Variants in CDC42BPA observed in about 807,000 individuals in gnomAD.
CDC42BPA encodes the protein serine/threonine-protein kinase MRCK alpha.
Under a neutral mutation model 223.5 loss-of-function variants are expected in CDC42BPA, and 80 were observed. The ratio of observed to expected loss-of-function variants is 0.36; its 90% CI spans 0.30 to 0.43. The LOEUF (loss-of-function observed/expected upper bound fraction) is 0.43, where lower values mean the gene tolerates loss of function less well. CDC42BPA is among the 20% of genes least tolerant of loss of function. CDC42BPA has a pLI of 1.00. For missense variants in CDC42BPA, 1,743 were observed against 2,099.9 expected (o/e 0.83, Z 3.32); for synonymous variants, 694 against 718.6 (o/e 0.97, Z 0.55).
intron 23 of CDC42BPA, among the ~76,000 whole-genome samples, chr1:227,043,772 T>C (rs1332651866): frequency 7.2e-5 from 11 of 152,194 alleles, no homozygotes; most frequent in Non-Finnish European, 1.3e-4. Flanking sequence ...TAGGAATCTT[T>C]CCCCTATTTC....
At chr1:227,202,505 TATTTA>T (rs1478232133) in intron 3 of CDC42BPA, among the ~76,000 whole-genome samples, 1 of 152,186 alleles carries the variant, frequency 6.6e-6, no homozygotes, top group African/African-American at 2.4e-5. Flanking sequence ...AAACATTCGT[TATTTA>T]ATTTGACTAA....
intron 21 of CDC42BPA, among the ~76,000 whole-genome samples, chr1:227,062,520 T>C (rs370620445): frequency 5.3e-5 from 8 of 152,282 alleles, no homozygotes; most frequent in Admixed American, 3.3e-4. Context: ...GCAGGAAATA[T>C]TGTATTATGC....
At chr1:227,252,833 CA>C (rs1362807668) in intron 2 of CDC42BPA, among the ~76,000 whole-genome samples, 2 of 152,184 alleles carry the variant, frequency 1.3e-5, no homozygotes, top group East Asian at 3.9e-4. Flanking sequence ...TAAAATTCAA[CA>C]AAATTCCTAT....
intron 1 of CDC42BPA, among the ~76,000 whole-genome samples, chr1:227,286,506 A>C (rs947384469): frequency 6.6e-6 from 1 of 152,114 alleles, no homozygotes; most frequent in Non-Finnish European, 1.5e-5. Flanking sequence ...AGAGCCACTT[A>C]ATCAGTCTTT....
intron 12 of CDC42BPA, among the ~76,000 whole-genome samples, chr1:227,114,636 T>C (rs1331865527): frequency 1.3e-5 from 2 of 152,110 alleles, no homozygotes; most frequent in East Asian, 3.8e-4. Context: ...CATAAAGCTG[T>C]AAAGAGGTAA....
chr1:227,286,688 C>T (rs1688859095), intron 1 of CDC42BPA, among the ~76,000 whole-genome samples: 2 of 152,250 alleles, frequency 1.3e-5, no homozygotes, highest in Admixed American at 6.5e-5. Context: ...CCATTTTGAA[C>T]TGCTATAAAG....
intron 2 of CDC42BPA, among the ~76,000 whole-genome samples, chr1:227,229,978 TTCTG>T (rs1220965617): frequency 6.6e-6 from 1 of 152,214 alleles, no homozygotes; most frequent in Non-Finnish European, 1.5e-5. Context: ...GCAACTGAGT[TTCTG>T]TCTTACAATG....
intron 17 of CDC42BPA, among the ~76,000 whole-genome samples, chr1:227,077,739 T>C (rs1459555936): frequency 6.6e-6 from 1 of 152,154 alleles, no homozygotes; most frequent in African/African-American, 2.4e-5. Flanking sequence ...ACAGCTAAAA[T>C]TGATTGTATC....
intron 1 of CDC42BPA, among the ~76,000 whole-genome samples, chr1:227,310,645 A>T (rs1693343783): frequency 2.0e-5 from 3 of 152,046 alleles, no homozygotes; most frequent in Admixed American, 2.0e-4. Flanking sequence ...AATGGAGAAG[A>T]AAAGGAAGTC....
At chr1:227,088,920 T>C (rs1270431163) in intron 16 of CDC42BPA, among the ~76,000 whole-genome samples, 1 of 152,066 alleles carries the variant, frequency 6.6e-6, no homozygotes, top group Non-Finnish European at 1.5e-5. Context: ...GAGATGGGGT[T>C]TCTCCACGTT....
chr1:227,060,034 T>TTTG (rs1553318048), intron 21 of CDC42BPA, among the ~76,000 whole-genome samples: 2 of 142,632 alleles, frequency 1.4e-5, no homozygotes. Context: ...TTTTTTGTTT[T>TTTG]TTTTTTTTTT....
At chr1:227,255,811 A>G (rs1682942561) in intron 1 of CDC42BPA, among the ~76,000 whole-genome samples, 1 of 152,224 alleles carries the variant, frequency 6.6e-6, no homozygotes, top group Admixed American at 6.5e-5. Flanking sequence ...GAAGACTTAA[A>G]TAAATGAAAA....
At chr1:227,203,706 C>T (rs1409364823) in intron 3 of CDC42BPA, among the ~76,000 whole-genome samples, 1 of 152,168 alleles carries the variant, frequency 6.6e-6, no homozygotes, top group African/African-American at 2.4e-5. Flanking sequence ...AATGTTCATC[C>T]AAACATTCAG....
intron 23 of CDC42BPA, among the ~76,000 whole-genome samples, chr1:227,043,674 G>T (rs919261417): frequency 2.0e-5 from 3 of 151,936 alleles, no homozygotes; most frequent in African/African-American, 7.3e-5. Flanking sequence ...CAATACCTTG[G>T]ACATGTATAT....
intron 16 of CDC42BPA, among the ~76,000 whole-genome samples, chr1:227,081,872 T>C (rs1224399602): frequency 1.3e-5 from 2 of 152,172 alleles, no homozygotes; most frequent in African/African-American, 4.8e-5. Flanking sequence ...ATCTCTCTTT[T>C]AAAATATAAC....
chr1:227,022,820 G>A (rs1280339115), intron 32 of CDC42BPA, among the ~76,000 whole-genome samples: 3 of 152,040 alleles, frequency 2.0e-5, no homozygotes, highest in Non-Finnish European at 4.4e-5. Context: ...TCTCTTTCCT[G>A]CTTCTTCCTA....
At chr1:227,141,042 G>T (rs6695787) in intron 9 of CDC42BPA, among the ~76,000 whole-genome samples, 108,768 of 151,912 alleles carry the variant, frequency 0.72, 39,150 homozygotes, top group South Asian at 0.86. Context: ...GACAGGAGAA[G>T]GTGGTATTTT....
chr1:227,238,155 C>T (rs1353988942), intron 2 of CDC42BPA, among the ~76,000 whole-genome samples: 2 of 150,862 alleles, frequency 1.3e-5, no homozygotes, highest in Non-Finnish European at 2.9e-5. Context: ...GAGTTCAAGA[C>T]CAGCCTGGGC....
In CDC42BPA at chr1:227,034,765, C is replaced by T; in HGVS notation, c.3366G>A (p.Gly1122=). Reference sequence around the variant, plus strand: ...ACACTATAGCCAGTGCTCTCTGCCACCCTTTCTTCACTCCAGCTGGCTTAG... The same window carrying T: ...ACACTATAGCCAGTGCTCTCTGCCATCCTTTCTTCACTCCAGCTGGCTTAG... The part of the protein sequence containing the change: ...RIPKPAGVKK[G]WQRALAIVCD... Residue 1122 remains glycine (G), a synonymous_variant, in exon 26 of 37, where the codon GGG becomes GGA. Coordinates refer to ENST00000366766, the MANE Select transcript of CDC42BPA (RefSeq NM_001394014.1). 1 of 1,612,036 alleles carries T rather than the reference C, an allele frequency of 6.2e-7. No homozygotes were observed. Among genetic ancestry groups the T allele is most frequent in the Non-Finnish European group, 8.5e-7 (1 of 1,179,018 alleles).
Sources: allele counts gnomAD v4.1 joint callset (sites outside exome capture counted in the v4.1 genomes callset), GRCh38; gene constraint gnomAD v4.1.1; transcripts MANE v1.5; gene names NCBI Gene and HGNC (gene_info 2026-07-23, HGNC 2026-07-21).